NRXN3: variants seen among roughly 807,000 people sequenced by gnomAD.
NRXN3 encodes the protein neurexin III.
Under a neutral mutation model 137.6 loss-of-function variants are expected in NRXN3, and 32 were observed. The ratio of observed to expected loss-of-function variants is 0.23; its 90% CI spans 0.18 to 0.31. The LOEUF (loss-of-function observed/expected upper bound fraction) is 0.31, where lower values mean the gene tolerates loss of function less well. NRXN3 is among the 10% of genes least tolerant of loss of function. The pLI, the probability that NRXN3 is intolerant of heterozygous loss-of-function variation, is 1.00. For synonymous variants in NRXN3, 798 were observed against 784.5 expected (o/e 1.02, Z -0.29); for missense variants, 1,574 against 2,062.5 (o/e 0.76, Z 4.59).
At chr14:79,102,737 G>A (rs2051579173) in intron 15 of NRXN3, among the ~76,000 whole-genome samples, 1 of 152,158 alleles carries the variant, frequency 6.6e-6, no homozygotes, top group South Asian at 2.1e-4. Flanking sequence ...TTCAAGGATA[G>A]GGAAGATTAT....
At chr14:78,635,962 G>A (rs1601691682) in intron 4 of NRXN3, among the ~76,000 whole-genome samples, 1 of 152,272 alleles carries the variant, frequency 6.6e-6, no homozygotes, top group Non-Finnish European at 1.5e-5. Context: ...TTGAACTCAT[G>A]TGGCTCCAGA....
chr14:78,831,534 CAAAAAAAAAAA>C (rs372852083), intron 10 of NRXN3, among the ~76,000 whole-genome samples: 1 of 58,192 alleles, frequency 1.7e-5, no homozygotes, highest in African/African-American at 8.6e-5. Flanking sequence ...GACTCCATGT[CAAAAAAAAAAA>C]AAAAAAAAAA....
intron 15 of NRXN3, among the ~76,000 whole-genome samples, chr14:79,120,534 C>A (rs188632157): frequency 6.6e-6 from 1 of 151,796 alleles, no homozygotes. Flanking sequence ...AGAATAGAAG[C>A]TGATAGAAAA....
chr14:78,673,255 T>G (rs780129586), intron 6 of NRXN3, among the ~76,000 whole-genome samples: 7 of 152,226 alleles, frequency 4.6e-5, no homozygotes, highest in African/African-American at 1.7e-4. Context: ...CAAACCTGCA[T>G]GGGCAAGATT....
chr14:79,112,447 T>A (rs2053695880), intron 15 of NRXN3, among the ~76,000 whole-genome samples: 1 of 152,246 alleles, frequency 6.6e-6, no homozygotes, highest in African/African-American at 2.4e-5. Context: ...TAGACCCTTG[T>A]CTGTTCCTTC....
chr14:78,984,807 A>G (rs957892125), intron 14 of NRXN3, among the ~76,000 whole-genome samples: 1 of 152,226 alleles, frequency 6.6e-6, no homozygotes, highest in African/African-American at 2.4e-5. Context: ...AACTAAAAAC[A>G]GGAGAGGGCT....
At chr14:78,677,729 A>G (rs1269818966) in intron 6 of NRXN3, among the ~76,000 whole-genome samples, 1 of 152,182 alleles carries the variant, frequency 6.6e-6, no homozygotes, top group African/African-American at 2.4e-5. Context: ...CTACAAAGAA[A>G]TCTTTTGTGA....
intron 1 of NRXN3, among the ~76,000 whole-genome samples, chr14:78,227,727 A>T (rs2064864924): frequency 6.6e-6 from 1 of 152,192 alleles, no homozygotes; most frequent in Non-Finnish European, 1.5e-5. Context: ...TACTTAACTT[A>T]CTATGTTAAG....
Position 79,792,959 on chromosome 14 carries a change from G to A in NRXN3, c.4015-12153G>A, listed in dbSNP as rs149335529. ...TGCATTAAAACCCAGAATTCTCAGA[G>A]GTGGAAATAAACAAAAGCTGCGCCC... On this transcript the variant is annotated intron_variant, in intron 19 of 20. Coordinates refer to ENST00000335750, the MANE Select transcript of NRXN3 (RefSeq NM_001330195.2). Among the ~76,000 whole-genome samples the A allele has an allele frequency of 1.1e-3, 164 of 152,208 alleles. 2 individuals are homozygous for A. Among genetic ancestry groups the A allele is most frequent in the African/African-American group, 1.7e-3 (71 of 41,510 alleles).
intron 4 of NRXN3, among the ~76,000 whole-genome samples, chr14:78,621,562 A>G (rs2097404251): frequency 6.6e-6 from 1 of 152,136 alleles, no homozygotes; most frequent in Non-Finnish European, 1.5e-5. Flanking sequence ...TCTTTACCTT[A>G]TGTTCTTGGA....
intron 4 of NRXN3, among the ~76,000 whole-genome samples, chr14:78,397,066 C>T (rs553738474): frequency 5.3e-5 from 8 of 152,306 alleles, no homozygotes; most frequent in Admixed American, 1.3e-4. Flanking sequence ...AGTACAGTTA[C>T]GTTGGGAGTT....
chr14:79,543,519 G>A (rs986108823), intron 16 of NRXN3, among the ~76,000 whole-genome samples: 1 of 152,186 alleles, frequency 6.6e-6, no homozygotes, highest in Non-Finnish European at 1.5e-5. Flanking sequence ...TGGACCATGT[G>A]TGCTCCTTGG....
intron 15 of NRXN3, among the ~76,000 whole-genome samples, chr14:79,212,554 G>A (rs1050196812): frequency 6.6e-6 from 1 of 152,118 alleles, no homozygotes; most frequent in Non-Finnish European, 1.5e-5. Context: ...TCCTTCAGAG[G>A]ATGCCAGGCC....
rs2096443700 is a variant in NRXN3 at position 79,467,478 on chromosome 14, A to T, written c.3444+76A>T. 7.5e-6 allele frequency: 10 copies of T among 1,326,766 alleles called. No individual in the cohort carries two copies. In the South Asian group the frequency reaches 1.3e-4, roughly 17 times the overall value. The allele number at this position is 1,326,766 out of a possible 1,614,324, so 82.2% of individuals were successfully genotyped here. ...TTAGTGATTCAGGTAGACGCAGCAGAACATTCTAGATCAATATGGCAAAGG... is the reference window on the plus strand; with the variant it reads ...TTAGTGATTCAGGTAGACGCAGCAGTACATTCTAGATCAATATGGCAAAGG... On this transcript the variant is annotated intron_variant, in intron 16 of 20. Transcript: ENST00000335750.
intron 15 of NRXN3, among the ~76,000 whole-genome samples, chr14:79,389,139 T>C (rs1478697628): frequency 6.6e-6 from 1 of 152,196 alleles, no homozygotes; most frequent in Non-Finnish European, 1.5e-5. Context: ...TTGTCGTAAG[T>C]TGTGTCTTCC....
chr14:79,605,967 G>T (rs921214628), intron 16 of NRXN3, among the ~76,000 whole-genome samples: 5 of 152,310 alleles, frequency 3.3e-5, no homozygotes, highest in Admixed American at 2.0e-4. Flanking sequence ...AATCATGCCA[G>T]GCTGATGGAG....
chr14:78,611,268 G>A (rs1176894619), intron 4 of NRXN3, among the ~76,000 whole-genome samples: 1 of 152,128 alleles, frequency 6.6e-6, no homozygotes, highest in Non-Finnish European at 1.5e-5. Flanking sequence ...CTGTCATGCT[G>A]GGGGGATTTA....
chr14:79,255,163 A>T (rs1463756807), intron 15 of NRXN3, among the ~76,000 whole-genome samples: 1 of 152,084 alleles, frequency 6.6e-6, no homozygotes, highest in African/African-American at 2.4e-5. Flanking sequence ...GTCCTCCTAA[A>T]CTCATTGCAC....
intron 14 of NRXN3, among the ~76,000 whole-genome samples, chr14:78,985,055 T>C (rs946715051): frequency 2.0e-5 from 3 of 152,204 alleles, no homozygotes; most frequent in Non-Finnish European, 2.9e-5. Flanking sequence ...TGAAGCAAAT[T>C]CAGTGGAATT....
Sources: allele counts gnomAD v4.1 joint callset (sites outside exome capture counted in the v4.1 genomes callset), GRCh38; gene constraint gnomAD v4.1.1; transcripts MANE v1.5; gene names NCBI Gene and HGNC (gene_info 2026-07-23, HGNC 2026-07-21).